Variants in SEC63 observed in about 807,000 individuals in gnomAD.
SEC63 encodes the protein translocation protein SEC63 homolog.
Under a neutral mutation model 116.2 loss-of-function variants are expected in SEC63, and 56 were observed. The observed-to-expected ratio is 0.48, with a 90% CI of 0.39 to 0.60. SEC63 has a LOEUF of 0.60. Ranked by LOEUF, SEC63 falls within the 20% of genes least tolerant of loss-of-function variation. The pLI is 0.00. For synonymous variants in SEC63, 273 were observed against 294.6 expected (o/e 0.93, Z 0.75); for missense variants, 668 against 900.0 (o/e 0.74, Z 3.30).
chr6:107,886,194 CT>C (rs1227352836), intron 16 of SEC63, among the ~76,000 whole-genome samples: 1 of 152,046 alleles, frequency 6.6e-6, no homozygotes, highest in Non-Finnish European at 1.5e-5. Context: ...TGAACTCATC[CT>C]TTTTTATGGC....
intron 7 of SEC63, among the ~76,000 whole-genome samples, chr6:107,911,007 G>C (rs566205908): frequency 4.1e-4 from 63 of 152,148 alleles, no homozygotes; most frequent in African/African-American, 1.4e-3. Context: ...CACCATGCCC[G>C]GTCAGTTGTG....
intron 4 of SEC63, among the ~76,000 whole-genome samples, chr6:107,921,518 C>A (rs947342247): frequency 4.0e-5 from 6 of 150,740 alleles, no homozygotes; most frequent in Non-Finnish European, 8.8e-5. Flanking sequence ...GTGGCATGGT[C>A]ACGGCTCACT....
chr6:107,954,482 C>CAAAAAAAA (rs4028832), intron 1 of SEC63: 1 of 116,866 alleles, frequency 8.6e-6, no homozygotes, highest in Non-Finnish European at 1.7e-5. Flanking sequence ...AAAAAAAAAT[C>CAAAAAAAA]AAAAAAAAAA....
At position 107,937,204 on chromosome 6, in the gene SEC63, C is replaced by T. The variant is rs1770268584; in HGVS notation, c.125-7690G>A. Among the ~76,000 whole-genome samples the T allele has an allele frequency of 1.4e-5, 2 of 147,652 alleles. 1 individual carries two copies. The highest frequency in any genetic ancestry group is 4.2e-4 in the South Asian group (2 of 4,740). ...ATGGCGCAATCTCAGCTCATTGCAA[C>T]CTCCACCTCCCGGGTTCAAGTGATT... On this transcript the variant is annotated intron_variant, in intron 1 of 20. Coordinates refer to ENST00000369002, the MANE Select transcript of SEC63 (RefSeq NM_007214.5).
In SEC63 at chr6:107,901,396, T is replaced by C; in HGVS notation, c.1331A>G (p.Tyr444Cys). ...EVMAVLGSFP[Y>C]VTMDIKSQVL... ...CTGTGATTTTATATCCATGGTCACA[T>C]ATGGAAAACTCCCAAGGACAGCCAT... is the stretch of plus-strand genomic sequence containing the variant. The change falls in exon 13 of 21, where the codon TAT (tyrosine) becomes TGT (cysteine). Residue 444 changes from tyrosine (Y) to cysteine (C), a missense_variant. Tyr to Cys is a radical substitution (Grantham distance 194). This residue lies in a region of SEC63 where 430 missense variants were observed against 557.5 expected (regional missense o/e 0.77). Transcript: ENST00000369002. The C allele has an allele frequency of 1.2e-6, 2 of 1,613,214 alleles. No individual in the cohort carries two copies. The highest frequency in any genetic ancestry group is 1.7e-6 in the Non-Finnish European group (2 of 1,179,760).
intron 1 of SEC63, chr6:107,955,930 A>G: frequency 3.0e-6 from 1 of 338,352 alleles, no homozygotes; most frequent in Non-Finnish European, 5.9e-6. Flanking sequence ...TGATTCTTCT[A>G]TGAAATCAGG....
intron 1 of SEC63, among the ~76,000 whole-genome samples, chr6:107,936,869 C>G (rs1023138144): frequency 6.6e-6 from 1 of 152,276 alleles, no homozygotes; most frequent in East Asian, 1.9e-4. Context: ...CACATAGTAT[C>G]CAACAGTTTT....
At chr6:107,873,943 A>G (rs986752835) in intron 19 of SEC63, among the ~76,000 whole-genome samples, 2 of 152,222 alleles carry the variant, frequency 1.3e-5, no homozygotes, top group Non-Finnish European at 2.9e-5. Flanking sequence ...AGCAGAGTAA[A>G]AATTGATTCA....
chr6:107,943,309 T>A (rs1770415441), intron 1 of SEC63, among the ~76,000 whole-genome samples: 1 of 152,254 alleles, frequency 6.6e-6, no homozygotes, highest in Non-Finnish European at 1.5e-5. Context: ...TTTGTGTGAA[T>A]AAGTTTTGAT....
intron 19 of SEC63, 21 bp downstream of exon 19, chr6:107,876,543 A>T: frequency 1.4e-6 from 2 of 1,418,852 alleles, no homozygotes; most frequent in Non-Finnish European, 2.0e-6. Flanking sequence ...AAACACTGAA[A>T]TCATGTTGCT....
Position 107,881,164 on chromosome 6 carries a change from G to T in SEC63, c.1920C>A (p.Ser640Arg). The change falls in exon 18 of 21, where the codon AGC becomes AGA. Residue 640 changes from serine to arginine, a missense_variant. Physicochemically the swap from Ser to Arg is moderately radical, Grantham distance 110. Transcript: ENST00000369002. The stretch of plus-strand genomic sequence containing the variant: ...TATAACTCACCTCAGGAAAGTAAAG[G>T]CTATACACAGGATGTGTTATTTTTG... ...TKSKITHPVY[S>R]LYFPEEKQEW... The T allele has an allele frequency of 6.2e-7, 1 of 1,606,996 alleles. No homozygotes were observed. The highest frequency in any genetic ancestry group is 8.5e-7 in the Non-Finnish European group (1 of 1,174,726).
At chr6:107,893,700 T>C in intron 15 of SEC63, 45 bp from the exon 16 acceptor site, 6 of 1,609,542 alleles carry the variant, frequency 3.7e-6, no homozygotes, top group Non-Finnish European at 5.1e-6. Flanking sequence ...AGCAACAGAT[T>C]CAATTGAAGG....
chr6:107,908,038 G>A (rs1215516281), intron 8 of SEC63, among the ~76,000 whole-genome samples: 2 of 152,198 alleles, frequency 1.3e-5, no homozygotes, highest in Admixed American at 6.5e-5. Flanking sequence ...ATAAGGCAAA[G>A]TAGTATTAAC....
intron 7 of SEC63, chr6:107,911,140 G>A: frequency 1.7e-6 from 1 of 578,682 alleles, no homozygotes; most frequent in South Asian, 2.1e-5. Flanking sequence ...GGCCCAGGCT[G>A]GAGTGCAGAG....
intron 16 of SEC63, 127 bp downstream of exon 16, chr6:107,893,355 G>A: frequency 2.4e-6 from 2 of 837,898 alleles, no homozygotes; most frequent in Non-Finnish European, 3.9e-6. Context: ...AGAGCACAAG[G>A]GAGCTTTCTA....
chr6:107,942,103 A>G (rs143285416), intron 1 of SEC63, among the ~76,000 whole-genome samples: 36 of 152,362 alleles, frequency 2.4e-4, no homozygotes, highest in African/African-American at 8.2e-4. Flanking sequence ...CTACCATTCT[A>G]TAATTAGATA....
intron 18 of SEC63, among the ~76,000 whole-genome samples, chr6:107,880,152 A>G (rs1786377928): frequency 6.6e-6 from 1 of 152,242 alleles, no homozygotes; most frequent in Non-Finnish European, 1.5e-5. Context: ...GTGCATTAAG[A>G]TGGAATCCTG....
intron 1 of SEC63, among the ~76,000 whole-genome samples, chr6:107,956,271 T>G (rs2114528089): frequency 2.0e-5 from 3 of 152,284 alleles, no homozygotes; most frequent in South Asian, 4.1e-4. Context: ...TCCCAATACC[T>G]TTTTGTTTTC....
intron 13 of SEC63, among the ~76,000 whole-genome samples, chr6:107,899,047 CA>C (rs1369228592): frequency 2.6e-5 from 4 of 152,162 alleles, no homozygotes; most frequent in Non-Finnish European, 5.9e-5. Context: ...TTTCATTTTG[CA>C]CAGCTGTATG....
Sources: allele counts gnomAD v4.1 joint callset (sites outside exome capture counted in the v4.1 genomes callset), GRCh38; gene constraint gnomAD v4.1.1; regional missense constraint gnomAD v4.1.1; transcripts MANE v1.5; gene names NCBI Gene and HGNC (gene_info 2026-07-23, HGNC 2026-07-21).